NHERF2: variants seen among roughly 807,000 people sequenced by gnomAD.
NHERF2 encodes NHERF family PDZ scaffold protein 2, also known as Na(+)/H(+) exchange regulatory cofactor NHE-RF2.
At chr16:2,033,384 C>G in the NHERF2 span, 2 of 1,533,352 alleles carry the variant, frequency 1.3e-6, no homozygotes, top group Non-Finnish European at 1.7e-6. Context: ...CGCCACCTGC[C>G]CGGGCTCCGG....
chr16:2,037,523 C>T, the NHERF2 span: 2 of 1,606,494 alleles, frequency 1.2e-6, no homozygotes, highest in Non-Finnish European at 1.7e-6. Context: ...CCACAATCTG[C>T]CCTTGGTTTC....
the NHERF2 span, among the ~76,000 whole-genome samples, chr16:2,034,991 C>T: frequency 6.6e-6 from 1 of 152,080 alleles, no homozygotes; most frequent in Non-Finnish European, 1.5e-5. Flanking sequence ...GGGTCTTGCA[C>T]CCTCTAATTC....
At chr16:2,028,878 C>T in the NHERF2 span, among the ~76,000 whole-genome samples, 2 of 152,214 alleles carry the variant, frequency 1.3e-5, no homozygotes, top group Admixed American at 6.5e-5. Context: ...CACACACCGA[C>T]GGCCACCAAG....
the NHERF2 span, among the ~76,000 whole-genome samples, chr16:2,031,539 C>T: frequency 6.6e-6 from 1 of 152,146 alleles, no homozygotes; most frequent in Non-Finnish European, 1.5e-5. Context: ...GGACCTTCCC[C>T]CTCTGCTATT....
chr16:2,030,796 T>C, the NHERF2 span, among the ~76,000 whole-genome samples: 1 of 151,758 alleles, frequency 6.6e-6, no homozygotes, highest in African/African-American at 2.4e-5. Flanking sequence ...CAAAAATCAG[T>C]TGGGCATGGT....
the NHERF2 span, among the ~76,000 whole-genome samples, chr16:2,029,133 C>T: frequency 6.6e-6 from 1 of 152,240 alleles, no homozygotes; most frequent in East Asian, 1.9e-4. Flanking sequence ...AACTGGGGCC[C>T]AGGGAGACAC....
chr16:2,035,806 C>T, the NHERF2 span: 68 of 497,616 alleles, frequency 1.4e-4, no homozygotes, highest in Middle Eastern at 3.1e-3. Context: ...GCTGGGCCCA[C>T]GGGGGTGGGG....
At chr16:2,035,828 C>G in the NHERF2 span, 1 of 342,538 alleles carries the variant, frequency 2.9e-6, no homozygotes, top group Non-Finnish European at 4.1e-6. Flanking sequence ...GGCTCATTTT[C>G]CTGGAATGTG....
the NHERF2 span, among the ~76,000 whole-genome samples, chr16:2,028,140 C>A: frequency 6.6e-6 from 1 of 152,220 alleles, no homozygotes; most frequent in East Asian, 1.9e-4. Context: ...TCCCTCACAG[C>A]ACCGATGAAT....
chr16:2,029,703 T>TGCCC, the NHERF2 span: 4 of 1,509,402 alleles, frequency 2.7e-6, no homozygotes, highest in Non-Finnish European at 2.7e-6. Flanking sequence ...CAGCGAGGGC[T>TGCCC]CCCACCCGCC....
chr16:2,037,350 C>A, the NHERF2 span, among the ~76,000 whole-genome samples: 3 of 152,130 alleles, frequency 2.0e-5, no homozygotes, highest in Admixed American at 2.0e-4. Context: ...ATGAGCCGGC[C>A]AGGCCACCTG....
the NHERF2 span, chr16:2,036,472 C>G: frequency 6.3e-7 from 1 of 1,599,360 alleles, no homozygotes; most frequent in Non-Finnish European, 8.5e-7. Flanking sequence ...GCCGCCCGCT[C>G]TGGCCTCCGC....
the NHERF2 span, chr16:2,038,366 C>T: frequency 1.1e-5 from 5 of 457,384 alleles, 1 homozygote; most frequent in South Asian, 8.2e-5. Context: ...AAAAAGATCT[C>T]CAGCTCCACA....
the NHERF2 span, chr16:2,032,887 C>G: frequency 9.7e-7 from 1 of 1,030,130 alleles, no homozygotes; most frequent in Non-Finnish European, 1.2e-6. The surrounding 1 kb of genome is among the most constrained non-coding windows in gnomAD (Gnocchi z 4.0). Flanking sequence ...GTCTCCACCC[C>G]CATCTGGAGG....
At chr16:2,033,410 G>A in the NHERF2 span, 1 of 1,533,410 alleles carries the variant, frequency 6.5e-7, no homozygotes, top group Non-Finnish European at 8.7e-7. Context: ...CCTCCACGGA[G>A]CCCACCCCAG....
chr16:2,035,844 A>G, the NHERF2 span: 1 of 270,446 alleles, frequency 3.7e-6, no homozygotes, highest in South Asian at 1.4e-4. Flanking sequence ...ATGTGAAAGC[A>G]AACAGAGCCG....
the NHERF2 span, chr16:2,033,204 G>A: frequency 6.8e-7 from 1 of 1,478,514 alleles, no homozygotes; most frequent in Non-Finnish European, 9.0e-7. Flanking sequence ...CTGCTCCCCA[G>A]AGTGACTCAG....
chr16:2,033,557 C>T, the NHERF2 span: 3 of 1,044,806 alleles, frequency 2.9e-6, no homozygotes, highest in Non-Finnish European at 4.0e-6. Context: ...CAATGAAGGC[C>T]TTTCTCTGCC....
chr16:2,030,957 G>T, the NHERF2 span, among the ~76,000 whole-genome samples: 2 of 152,150 alleles, frequency 1.3e-5, no homozygotes. Flanking sequence ...ACAAAAAAAG[G>T]AAAAGAAAGA....
Sources: gnomAD v4.1 joint callset for allele counts (sites outside exome capture counted in the v4.1 genomes callset) on GRCh38, gnomAD v4.1.1 for gene constraint, Gnocchi (gnomAD v3.1) non-coding constraint, MANE v1.5 for transcripts, NCBI Gene and HGNC (gene_info 2026-07-23, HGNC 2026-07-21) for gene names.